PLAAT3: variants seen among roughly 807,000 people sequenced by gnomAD.
PLAAT3 encodes the protein Ca-independent phospholipase A1/2.
A neutral mutation model predicts 16.7 loss-of-function variants in PLAAT3; 21 were observed. That is an observed-to-expected ratio of 1.26 (90% CI 0.89 to 1.81). The LOEUF (loss-of-function observed/expected upper bound fraction) is 1.81. PLAAT3 is among the 40% of genes most tolerant of loss of function. The pLI is 0.00. For missense variants in PLAAT3, 219 were observed against 213.7 expected (o/e 1.02, Z -0.16); for synonymous variants, 76 against 81.7 (o/e 0.93, Z 0.38).
chr11:63,610,645 C>A (rs919010701), intron 2 of PLAAT3, among the ~76,000 whole-genome samples: 2 of 152,178 alleles, frequency 1.3e-5, no homozygotes, highest in Admixed American at 1.3e-4. Flanking sequence ...TAGTTCCACA[C>A]AGATCCATCA....
At chr11:63,613,532 C>T (rs899201023) in intron 2 of PLAAT3, among the ~76,000 whole-genome samples, 3 of 152,276 alleles carry the variant, frequency 2.0e-5, no homozygotes, top group African/African-American at 7.2e-5. Context: ...GGTCCACCTC[C>T]AAATCCCATC....
intron 4 of PLAAT3, among the ~76,000 whole-genome samples, chr11:63,582,619 C>T (rs1030249984): frequency 2.0e-5 from 3 of 152,216 alleles, no homozygotes; most frequent in African/African-American, 7.2e-5. Context: ...CCACGACACT[C>T]AGCTGTGAGT....
At chr11:63,576,584 T>C (rs1021400898) in intron 4 of PLAAT3, among the ~76,000 whole-genome samples, 6 of 152,244 alleles carry the variant, frequency 3.9e-5, no homozygotes, top group Admixed American at 6.5e-5. Context: ...GACTGCGCCA[T>C]TGGGCTCCGT....
intron 2 of PLAAT3, among the ~76,000 whole-genome samples, chr11:63,612,081 C>T (rs1340618806): frequency 2.6e-5 from 4 of 151,930 alleles, no homozygotes; most frequent in Non-Finnish European, 5.9e-5. Context: ...GAGGTTGCAG[C>T]GAGCCGAGAT....
intron 2 of PLAAT3, among the ~76,000 whole-genome samples, chr11:63,602,817 G>A (rs1465060332): frequency 6.6e-6 from 1 of 152,188 alleles, no homozygotes; most frequent in East Asian, 1.9e-4. Flanking sequence ...TGATGGCCAG[G>A]CGCAGCGGCT....
intron 2 of PLAAT3, among the ~76,000 whole-genome samples, chr11:63,602,333 CAG>C (rs1938454314): frequency 6.6e-6 from 1 of 151,176 alleles, no homozygotes; most frequent in Non-Finnish European, 1.5e-5. Flanking sequence ...ACACAGAAGA[CAG>C]GGGAGTCTTG....
At position 63,598,121 on chromosome 11, in the gene PLAAT3, A is replaced by C. The variant is rs761857748; in HGVS notation, c.58T>G (p.Phe20Val). 11 of 1,614,140 alleles carry C rather than the reference A, an allele frequency of 6.8e-6. No homozygotes were observed. In the South Asian group the frequency reaches 8.8e-5, roughly 13 times the overall value. ...PGDLIEIFRP[F>V]YRHWAIYVGD... ...ACATAGATGGCCCAGTGTCTGTAGAAAGGGCGAAAAATCTCAATCAGGTCT... is the reference window on the plus strand; with the variant it reads ...ACATAGATGGCCCAGTGTCTGTAGACAGGGCGAAAAATCTCAATCAGGTCT... The change falls in exon 3 of 5, where the codon TTC becomes GTC. Residue 20 changes from phenylalanine (F) to valine (V), a missense_variant. Transcript: ENST00000415826.
At chr11:63,583,202 T>C (rs936819595) in intron 4 of PLAAT3, among the ~76,000 whole-genome samples, 1 of 152,210 alleles carries the variant, frequency 6.6e-6, no homozygotes, top group Non-Finnish European at 1.5e-5. Flanking sequence ...AACCTGAGGT[T>C]TGACTGCTGC....
At chr11:63,600,364 T>G (rs1001972863) in intron 2 of PLAAT3, among the ~76,000 whole-genome samples, 1 of 152,100 alleles carries the variant, frequency 6.6e-6, no homozygotes, top group South Asian at 2.1e-4. Flanking sequence ...ACAGAAAAAG[T>G]ATTCCGTTAT....
chr11:63,599,381 A>G (rs1176641743), intron 2 of PLAAT3, among the ~76,000 whole-genome samples: 3 of 152,084 alleles, frequency 2.0e-5, no homozygotes, highest in Non-Finnish European at 4.4e-5. Flanking sequence ...TGGTGGCCCT[A>G]CCAGAGACAT....
chr11:63,585,452 C>A (rs1937946872), intron 4 of PLAAT3, among the ~76,000 whole-genome samples: 1 of 151,918 alleles, frequency 6.6e-6, no homozygotes, highest in African/African-American at 2.4e-5. Context: ...GTTCTTACAT[C>A]TGGCGGTGGG....
intron 4 of PLAAT3, among the ~76,000 whole-genome samples, chr11:63,584,937 C>T (rs567600680): frequency 3.1e-4 from 47 of 152,114 alleles, no homozygotes; most frequent in Non-Finnish European, 7.3e-5. Flanking sequence ...AGTCACTGCA[C>T]TGACAGTGCT....
At position 63,574,970 on chromosome 11, in the gene PLAAT3, G is replaced by A. The variant is rs1396361336; in HGVS notation, c.464C>T (p.Ser155Leu). The A allele has an allele frequency of 6.2e-7, 1 of 1,610,898 alleles. No individual in the cohort carries two copies. The highest frequency in any genetic ancestry group is 1.1e-5 in the South Asian group (1 of 91,050). The part of the protein sequence containing the change: ...AAMSLIGVMF[S>L]RNKRQKQ ...TTATTGCTTTTGTCGCTTGTTTCTT[G>A]AGAACATGACTCCAATAAGGCTCAT... The change falls in exon 5 of 5, where the codon TCA becomes TTA. Residue 155 changes from serine to leucine, a missense_variant. Transcript: ENST00000415826.
At chr11:63,581,480 A>T (rs1043592250) in intron 4 of PLAAT3, among the ~76,000 whole-genome samples, 4 of 152,108 alleles carry the variant, frequency 2.6e-5, no homozygotes, top group African/African-American at 9.7e-5. Flanking sequence ...GCTTACTAGG[A>T]TTGGGAAATT....
chr11:63,578,170 C>G (rs1379516406), intron 4 of PLAAT3, among the ~76,000 whole-genome samples: 1 of 151,908 alleles, frequency 6.6e-6, no homozygotes, highest in Non-Finnish European at 1.5e-5. Flanking sequence ...GTAATCCCAG[C>G]CACTTGGGAG....
At chr11:63,578,613 A>C (rs915781607) in intron 4 of PLAAT3, among the ~76,000 whole-genome samples, 5 of 151,800 alleles carry the variant, frequency 3.3e-5, no homozygotes, top group South Asian at 2.1e-4. Flanking sequence ...CAAAAACAAG[A>C]AATGGGGAAA....
chr11:63,588,873 G>GT (rs1397989341), intron 4 of PLAAT3, among the ~76,000 whole-genome samples: 1 of 150,076 alleles, frequency 6.7e-6, no homozygotes, highest in Non-Finnish European at 1.5e-5. Context: ...TCAGCAGTAT[G>GT]AAGAGAGTAA....
intron 4 of PLAAT3, among the ~76,000 whole-genome samples, chr11:63,575,667 T>C (rs933343270): frequency 1.9e-4 from 29 of 152,286 alleles, no homozygotes; most frequent in African/African-American, 6.7e-4. Flanking sequence ...CAGGTAAAAA[T>C]TGAATATATG....
upstream of PLAAT3, among the ~76,000 whole-genome samples, chr11:63,615,192 GTGTGTATA>G (rs1938825545): frequency 1.9e-5 from 2 of 106,068 alleles, no homozygotes; most frequent in African/African-American, 7.0e-5. Context: ...GTATATATAT[GTGTGTATA>G]TATGTGTGTA....
Sources: allele counts gnomAD v4.1 joint callset (sites outside exome capture counted in the v4.1 genomes callset), GRCh38; gene constraint gnomAD v4.1.1; transcripts MANE v1.5; gene names NCBI Gene and HGNC (gene_info 2026-07-23, HGNC 2026-07-21).